ELAVL4: variants seen among roughly 807,000 people sequenced by gnomAD.
ELAVL4 encodes ELAV-like protein 4.
ELAVL4 carries 1 observed loss-of-function variant against 35.6 expected under a neutral mutation model. The ratio of observed to expected loss-of-function variants is 0.03; its 90% CI spans 0.01 to 0.13. The LOEUF (loss-of-function observed/expected upper bound fraction) is 0.13. Ranked by LOEUF, ELAVL4 falls within the 10% of genes least tolerant of loss-of-function variation. The pLI, the probability that ELAVL4 is intolerant of heterozygous loss-of-function variation, is 1.00. For synonymous variants in ELAVL4, 156 were observed against 171.0 expected, an observed-to-expected ratio of 0.91 and a Z score of 0.69; for missense variants, 267 against 464.9, an observed-to-expected ratio of 0.57 and a Z score of 3.91.
intron 1 of ELAVL4, among the ~76,000 whole-genome samples, chr1:50,091,243 G>A (rs977766001): frequency 2.0e-5 from 3 of 152,308 alleles, no homozygotes; most frequent in South Asian, 2.1e-4. Context: ...CTGGCTGCTC[G>A]CCACCTTCTG....
chr1:50,051,999 A>G (rs964415888), intron 1 of ELAVL4, among the ~76,000 whole-genome samples: 11 of 152,148 alleles, frequency 7.2e-5, no homozygotes, highest in African/African-American at 2.2e-4. Flanking sequence ...TTCTTTAAGA[A>G]TACCAGTCCT....
At chr1:50,098,326 T>C (rs1472041752) in intron 1 of ELAVL4, among the ~76,000 whole-genome samples, 1 of 152,182 alleles carries the variant, frequency 6.6e-6, no homozygotes, top group African/African-American at 2.4e-5. Context: ...TAAGTGTAAT[T>C]TCTATAATGA....
At chr1:50,080,330 G>A (rs960812135) in intron 1 of ELAVL4, among the ~76,000 whole-genome samples, 2 of 152,060 alleles carry the variant, frequency 1.3e-5, no homozygotes, top group Non-Finnish European at 2.9e-5. Context: ...CAAGAATATT[G>A]AGCAACTATG....
intron 1 of ELAVL4, among the ~76,000 whole-genome samples, chr1:50,125,938 A>G (rs1669834228): frequency 6.6e-6 from 1 of 151,996 alleles, no homozygotes; most frequent in Non-Finnish European, 1.5e-5. Flanking sequence ...CAGTTTCCTT[A>G]TCTGTAAAAT....
chr1:50,084,401 C>T (rs1234728330), intron 1 of ELAVL4, among the ~76,000 whole-genome samples: 1 of 152,132 alleles, frequency 6.6e-6, no homozygotes, highest in Non-Finnish European at 1.5e-5. Flanking sequence ...TATACTGTCC[C>T]ACATAACCAC....
At chr1:50,053,940 G>A (rs1557677323) in intron 1 of ELAVL4, among the ~76,000 whole-genome samples, 1 of 152,152 alleles carries the variant, frequency 6.6e-6, no homozygotes, top group African/African-American at 2.4e-5. Context: ...TGATGAAGAT[G>A]AAGAAGTTTT....
At chr1:50,106,329 C>A, upstream of ELAVL4, 8 of 1,613,658 alleles carry the variant, frequency 5.0e-6, no homozygotes, top group Non-Finnish European at 6.8e-6. Context: ...AAGGGGCTGA[C>A]TGATATGAGA....
chr1:50,064,907 G>A (rs192083493), intron 1 of ELAVL4, among the ~76,000 whole-genome samples: 67 of 152,260 alleles, frequency 4.4e-4, no homozygotes, highest in Admixed American at 7.8e-4. Flanking sequence ...CATGAGGGCA[G>A]GGAATATGGG....
chr1:50,187,964 G>T (rs976522845), intron 3 of ELAVL4, among the ~76,000 whole-genome samples: 1 of 152,012 alleles, frequency 6.6e-6, no homozygotes, highest in Non-Finnish European at 1.5e-5. Flanking sequence ...GCATGGTGGC[G>T]CATGCCTGTA....
At chr1:50,055,969 A>C (rs972193364) in intron 1 of ELAVL4, among the ~76,000 whole-genome samples, 13 of 152,198 alleles carry the variant, frequency 8.5e-5, no homozygotes, top group African/African-American at 3.1e-4. Flanking sequence ...AGGTTTGAGT[A>C]GGACTCTGTA....
chr1:50,201,254 C>CA lies in ELAVL4; in HGVS notation c.*77dup. On this transcript the variant is annotated 3_prime_UTR_variant, in exon 7 of 7. Transcript: ENST00000371824. The surrounding 1 kb of genome is among the most constrained non-coding windows in gnomAD (Gnocchi z 4.3). Reference sequence around the variant, plus strand: ...ACACACGCGCGCACACACACACATACACGAAAGAGAGAGAAACAAACTTTT... The same window carrying CA: ...ACACACGCGCGCACACACACACATACAACGAAAGAGAGAGAAACAAACTTTT... 7.0e-7 allele frequency: 1 copy of CA among 1,428,464 alleles called. No homozygotes were observed. The highest frequency in any genetic ancestry group is 9.2e-7 in the Non-Finnish European group (1 of 1,086,938). The allele number at this position is 1,428,464 out of a possible 1,614,324, so 88.5% of individuals were successfully genotyped here.
chr1:50,185,732 A>C (rs766087168), intron 3 of ELAVL4, among the ~76,000 whole-genome samples: 3 of 151,930 alleles, frequency 2.0e-5, no homozygotes, highest in Non-Finnish European at 4.4e-5. Flanking sequence ...AGAGGGGGGG[A>C]CTTTTTTCCA....
chr1:50,109,909 C>G, intron 1 of ELAVL4: 1 of 1,611,978 alleles, frequency 6.2e-7, no homozygotes, highest in Non-Finnish European at 8.5e-7. Context: ...TTTTGACACA[C>G]TGTGTGAGGG....
chr1:50,168,781 G>T (rs1678432539), intron 2 of ELAVL4, among the ~76,000 whole-genome samples: 1 of 151,942 alleles, frequency 6.6e-6, no homozygotes, highest in African/African-American at 2.4e-5. Flanking sequence ...TAGAAGTAGA[G>T]TTCTTAGCAT....
chr1:50,155,871 C>T (rs1439099584), intron 2 of ELAVL4, among the ~76,000 whole-genome samples: 1 of 152,208 alleles, frequency 6.6e-6, no homozygotes, highest in African/African-American at 2.4e-5. Flanking sequence ...AACTAGTCCT[C>T]AACCACCTTT....
At chr1:50,141,028 G>A (rs1338942465) in intron 1 of ELAVL4, among the ~76,000 whole-genome samples, 1 of 152,170 alleles carries the variant, frequency 6.6e-6, no homozygotes, top group African/African-American at 2.4e-5. Flanking sequence ...CCACAAAGCT[G>A]ATGCGGGGAC....
At chr1:50,160,651 G>T (rs961693007) in intron 2 of ELAVL4, among the ~76,000 whole-genome samples, 2 of 152,148 alleles carry the variant, frequency 1.3e-5, no homozygotes, top group African/African-American at 4.8e-5. Flanking sequence ...CGCTGACAGA[G>T]GTTTTCAAAG....
intron 2 of ELAVL4, among the ~76,000 whole-genome samples, chr1:50,162,044 A>G (rs1193649700): frequency 6.6e-6 from 1 of 151,974 alleles, no homozygotes; most frequent in African/African-American, 2.4e-5. Flanking sequence ...GAAATCAGAA[A>G]CTCTATTAAA....
At chr1:50,168,963 T>TAC (rs1553184093) in intron 2 of ELAVL4, among the ~76,000 whole-genome samples, 110 of 147,880 alleles carry the variant, frequency 7.4e-4, no homozygotes, top group Non-Finnish European at 9.7e-4. Flanking sequence ...TATATATATA[T>TAC]ACACACACAC....
Sources: allele counts gnomAD v4.1 joint callset (sites outside exome capture counted in the v4.1 genomes callset), GRCh38; gene constraint gnomAD v4.1.1; non-coding constraint Gnocchi (gnomAD v3.1); transcripts MANE v1.5; gene names NCBI Gene and HGNC (gene_info 2026-07-23, HGNC 2026-07-21).